The following PLCG1 variants were observed in gnomAD, a reference collection of about 807,000 sequenced individuals.
The protein encoded by PLCG1 is phospholipase C gamma 1, also known as 1-phosphatidylinositol 4,5-bisphosphate phosphodiesterase gamma-1.
PLCG1 carries 71 observed loss-of-function variants against 177.8 expected under a neutral mutation model. The ratio of observed to expected loss-of-function variants is 0.40; its 90% confidence interval spans 0.33 to 0.49. The LOEUF (loss-of-function observed/expected upper bound fraction) is 0.49, where lower values mean the gene tolerates loss of function less well. Ranked by LOEUF, PLCG1 falls within the 20% of genes least tolerant of loss-of-function variation. The probability of loss-of-function intolerance (pLI) is 0.72; values close to 1 mark genes in which losing one functional copy is unlikely to be tolerated. For missense variants in PLCG1, 1,281 were observed against 1,709.0 expected, an observed-to-expected ratio of 0.75 and a Z score of 4.42; for synonymous variants, 658 against 647.9, an observed-to-expected ratio of 1.02 and a Z score of -0.24.
chr20:41,137,654 G>T lies in PLCG1; in HGVS notation c.13G>T (p.Ala5Ser). Residue 5 changes from alanine (A) to serine (S), a missense_variant, in exon 1 of 32, where the codon GCG becomes TCG. Ala to Ser is a moderately conservative substitution (Grantham distance 99). Coordinates refer to ENST00000685551, the MANE Select transcript of PLCG1 (RefSeq NM_002660.3). This position sits in a 1 kb window ranked among gnomAD's most constrained non-coding sequence, Gnocchi z 7.3. ...CAGCGTCGGAGCCATGGCGGGCGCC[G>T]CGTCCCCTTGCGCCAACGGCTGCGG... is the stretch of plus-strand genomic sequence containing the variant. MAGA[A>S]SPCANGCGPG... 1 of 1,317,302 alleles carries T rather than the reference G, an allele frequency of 7.6e-7. No individual in the cohort carries two copies. The highest frequency in any genetic ancestry group is 9.7e-7 in the Non-Finnish European group (1 of 1,033,436). The allele number at this position is 1,317,302 out of a possible 1,614,324, so 81.6% of individuals were successfully genotyped here.
intron 24 of PLCG1, 169 bp downstream of exon 24, chr20:41,170,438 A>G: frequency 1.5e-6 from 1 of 648,706 alleles, no homozygotes; most frequent in Non-Finnish European, 2.6e-6. Context: ...CAGACACATA[A>G]GATGCAATGT....
At chr20:41,145,482 C>T (rs34905696) in intron 1 of PLCG1, among the ~76,000 whole-genome samples, 231 of 152,162 alleles carry the variant, frequency 1.5e-3, no homozygotes, top group African/African-American at 5.4e-3. Context: ...CCATAGCTGC[C>T]CCCGCCTTCC....
intron 20 of PLCG1, among the ~76,000 whole-genome samples, chr20:41,168,475 G>C (rs2035778463): frequency 6.6e-6 from 1 of 152,250 alleles, no homozygotes; most frequent in South Asian, 2.1e-4. Flanking sequence ...CCTGACTCCT[G>C]GGAGCGGATT....
Position 41,153,424 on chromosome 20 carries a change from G to A in PLCG1, c.218-6182G>A, listed in dbSNP as rs1230740642. On this transcript the variant is annotated intron_variant, in intron 1 of 31. Coordinates refer to ENST00000685551, the MANE Select transcript of PLCG1 (RefSeq NM_002660.3). This position sits in a 1 kb window ranked among gnomAD's most constrained non-coding sequence, Gnocchi z 5.1. The stretch of plus-strand genomic sequence containing the variant: ...CTTTCCCACCGCCTCCCAAGTAGCT[G>A]GGACTACAGGCATGTGCTACCATGT... Among the ~76,000 whole-genome samples, 2 of 152,114 alleles carry A rather than the reference G, an allele frequency of 1.3e-5. No homozygotes were observed. The highest frequency in any genetic ancestry group is 2.4e-5 in the African/African-American group (1 of 41,418).
In PLCG1 at chr20:41,166,064, GAGCTCCTCAGGAGATTGGCCTC is replaced by G; in HGVS notation, c.1800-129_1800-108del. On this transcript the variant is annotated intron_variant, in intron 16 of 31. Transcript: ENST00000685551. This position sits in a 1 kb window ranked among gnomAD's most constrained non-coding sequence, Gnocchi z 8.6. Reference sequence around the variant, plus strand: ...TTGGTTCATGTGACTGCCCACACCTGAGCTCCTCAGGAGATTGGCCTCCCTCCTTGAGGCTCCCTCCTTGAGT... The same window carrying G: ...TTGGTTCATGTGACTGCCCACACCTGCCTCCTTGAGGCTCCCTCCTTGAGT... 1.3e-6 allele frequency: 1 copy of G among 783,798 alleles called. No homozygotes were observed. Among genetic ancestry groups the G allele is most frequent in the Non-Finnish European group, 2.0e-6 (1 of 497,124 alleles). The allele number at this position is 783,798 out of a possible 1,614,324, so 48.6% of individuals were successfully genotyped here. A position where few individuals can be genotyped will look rare whatever the true frequency, so the allele number is the denominator to read the frequency against.
At position 41,137,978 on chromosome 20, in the gene PLCG1, G is replaced by A. The variant is rs1313210594; in HGVS notation, c.217+120G>A. 2 of 635,818 alleles carry A rather than the reference G, an allele frequency of 3.1e-6. No homozygotes were observed. Among genetic ancestry groups the A allele is most frequent in the Non-Finnish European group, 4.5e-6 (2 of 440,540 alleles). The allele number at this position is 635,818 out of a possible 1,614,324, so 39.4% of individuals were successfully genotyped here. On this transcript the variant is annotated intron_variant, in intron 1 of 31. Coordinates refer to ENST00000685551, the MANE Select transcript of PLCG1 (RefSeq NM_002660.3). The surrounding 1 kb of genome is among the most constrained non-coding windows in gnomAD (Gnocchi z 7.3). ...TTGGGCAAACTTTCGGGCCCTCCCA[G>A]ACTCCCTCCGGGCCCCGCCCCCGCT... is the stretch of plus-strand genomic sequence containing the variant.
Position 41,167,519 on chromosome 20 carries a change from A to G in PLCG1, c.2302-333A>G, listed in dbSNP as rs967412255. On this transcript the variant is annotated intron_variant, in intron 19 of 31. Transcript: ENST00000685551. The surrounding 1 kb of genome is among the most constrained non-coding windows in gnomAD (Gnocchi z 4.4). ...TGACTTTGGGCTCAGCAGTGAACCA[A>G]CAAGCCACTGAACTAAAGCACTGAA... The G allele has an allele frequency of 4.1e-5, 11 of 271,400 alleles. No individual in the cohort carries two copies. Among genetic ancestry groups the G allele is most frequent in the African/African-American group, 2.0e-4 (9 of 45,302 alleles). The allele number at this position is 271,400 out of a possible 1,614,324, so 16.8% of individuals were successfully genotyped here. A position where few individuals can be genotyped will look rare whatever the true frequency, so the allele number is the denominator to read the frequency against.
Position 41,176,980 on chromosome 20 carries a change from A to AAAT in PLCG1, c.*2473_*2475dup, listed in dbSNP as rs1432730253. 7 of 152,252 alleles carry AAAT rather than the reference A, an allele frequency of 4.6e-5. No individual in the cohort carries two copies. Among genetic ancestry groups the AAAT allele is most frequent in the African/African-American group, 1.7e-4 (7 of 41,464 alleles). 9.4% of individuals were successfully genotyped at this position (152,252 alleles called of 1,614,324 possible). The stretch of plus-strand genomic sequence containing the variant: ...TAGCACCACTTGGGGAGCTTCTGAA[A>AAAT]AATACTGGTACCCGGGGCCTTAGCA... On this transcript the variant is annotated 3_prime_UTR_variant, in exon 32 of 32. Transcript: ENST00000685551.
At position 41,164,136 on chromosome 20, in the gene PLCG1, T is replaced by A; in HGVS notation, c.1152T>A (p.Leu384=). The change falls in exon 12 of 32, where the codon CTT becomes CTA. Residue 384 remains leucine, a synonymous_variant. Coordinates refer to ENST00000685551, the MANE Select transcript of PLCG1 (RefSeq NM_002660.3). The surrounding 1 kb of genome is among the most constrained non-coding windows in gnomAD (Gnocchi z 6.4). ...GMPVIYHGHT[L]TTKIKFSDVL... ...CAGTTATTTACCATGGGCACACCCT[T>A]ACCACCAAGATCAAGTTCTCAGATG... The A allele has an allele frequency of 6.2e-7, 1 of 1,614,046 alleles. No individual in the cohort carries two copies. The highest frequency in any genetic ancestry group is 2.2e-5 in the East Asian group (1 of 44,848).
In PLCG1 at chr20:41,165,174, G is replaced by A; in HGVS notation, c.1387-71G>A. 6.2e-7 allele frequency: 1 copy of A among 1,605,136 alleles called. No homozygotes were observed. Among genetic ancestry groups the A allele is most frequent in the Non-Finnish European group, 8.5e-7 (1 of 1,174,528 alleles). On this transcript the variant is annotated intron_variant, in intron 13 of 31. Coordinates refer to ENST00000685551, the MANE Select transcript of PLCG1 (RefSeq NM_002660.3). This position sits in a 1 kb window ranked among gnomAD's most constrained non-coding sequence, Gnocchi z 6.6. ...GCCCAGGCCATGGCTTCAGCTGTTG[G>A]GCCTAAACCTGGGTGAGGAGGTGGG... is the stretch of plus-strand genomic sequence containing the variant.
intron 1 of PLCG1, among the ~76,000 whole-genome samples, chr20:41,140,451 C>G (rs760026418): frequency 1.1e-4 from 17 of 152,182 alleles, no homozygotes; most frequent in Non-Finnish European, 2.2e-4. Flanking sequence ...TCCTGCTGAC[C>G]CTACCAGGGT....
intron 4 of PLCG1, 152 bp from the exon 5 acceptor site, chr20:41,162,300 T>A (rs2035533593): frequency 6.5e-5 from 21 of 325,236 alleles, no homozygotes; most frequent in East Asian, 3.3e-4. Flanking sequence ...GGGACTAACC[T>A]CACCCCATGG....
At chr20:41,171,104 G>C (rs142953192) in intron 24 of PLCG1, among the ~76,000 whole-genome samples, 12 of 152,234 alleles carry the variant, frequency 7.9e-5, no homozygotes, top group South Asian at 4.1e-4. Context: ...ATTCCTACTT[G>C]GTGGCCCTTT....
In PLCG1 at chr20:41,163,631, T is replaced by A; in HGVS notation, c.892-84T>A. ...CCCACCCCCAGTTGGGACAGAGCACTCTCTCTCCTACCCCCAACCTACCAT... is the reference window on the plus strand; with the variant it reads ...CCCACCCCCAGTTGGGACAGAGCACACTCTCTCCTACCCCCAACCTACCAT... On this transcript the variant is annotated intron_variant, in intron 9 of 31. Coordinates refer to ENST00000685551, the MANE Select transcript of PLCG1 (RefSeq NM_002660.3). The surrounding 1 kb of genome is among the most constrained non-coding windows in gnomAD (Gnocchi z 5.2). 9.0e-7 allele frequency: 1 copy of A among 1,108,234 alleles called. No individual in the cohort carries two copies. The highest frequency in any genetic ancestry group is 1.3e-5 in the South Asian group (1 of 78,350). 68.7% of individuals were successfully genotyped at this position (1,108,234 alleles called of 1,614,324 possible).
Position 41,165,407 on chromosome 20 carries a change from T to C in PLCG1, c.1509+40T>C, listed in dbSNP as rs768420253. 6.2e-7 allele frequency: 1 copy of C among 1,613,692 alleles called. No individual in the cohort carries two copies. The highest frequency in any genetic ancestry group is 1.7e-5 in the Admixed American group (1 of 60,006). The stretch of plus-strand genomic sequence containing the variant: ...AGGCTGGGGGTGGTAGGCCAGTGGG[T>C]GTGAGGACCCTGGCTCACAAGTCCC... On this transcript the variant is annotated intron_variant, in intron 14 of 31. Coordinates refer to ENST00000685551, the MANE Select transcript of PLCG1 (RefSeq NM_002660.3). This position sits in a 1 kb window ranked among gnomAD's most constrained non-coding sequence, Gnocchi z 6.6.
Position 41,153,715 on chromosome 20 carries a change from G to A in PLCG1, c.218-5891G>A, listed in dbSNP as rs1253520501. On this transcript the variant is annotated intron_variant, in intron 1 of 31. Coordinates refer to ENST00000685551, the MANE Select transcript of PLCG1 (RefSeq NM_002660.3). This position sits in a 1 kb window ranked among gnomAD's most constrained non-coding sequence, Gnocchi z 5.1. ...AGTTTGAGAGCAGCTGGCCAACATG[G>A]TGAAACCCCGTCTCTACTAAAAATA... Among the ~76,000 whole-genome samples the A allele has an allele frequency of 1.3e-5, 2 of 152,268 alleles. No homozygotes were observed. The highest frequency in any genetic ancestry group is 2.9e-5 in the Non-Finnish European group (2 of 68,024).
Position 41,168,841 on chromosome 20 carries a change from C to G in PLCG1, c.2454C>G (p.Ile818Met). ...DELTFIKSAI[I>M]QNVEKQEGGW... ...TGACCTTCATCAAGAGCGCCATCATCCAGAATGTGGAGAAGCAAGAGGGAG... is the reference window on the plus strand; with the variant it reads ...TGACCTTCATCAAGAGCGCCATCATGCAGAATGTGGAGAAGCAAGAGGGAG... Residue 818 changes from isoleucine (I) to methionine (M), a missense_variant, in exon 21 of 32, where the codon ATC becomes ATG. By Grantham distance (10) the Ile-to-Met change is conservative. Transcript: ENST00000685551. The G allele has an allele frequency of 6.2e-7, 1 of 1,611,776 alleles. No individual in the cohort carries two copies. The highest frequency in any genetic ancestry group is 8.5e-7 in the Non-Finnish European group (1 of 1,178,812).
intron 4 of PLCG1, among the ~76,000 whole-genome samples, chr20:41,161,883 C>G (rs1412267457): frequency 6.6e-6 from 1 of 152,176 alleles, no homozygotes; most frequent in Non-Finnish European, 1.5e-5. Flanking sequence ...GGAGCCAGGC[C>G]CTGTCTAGCC....
chr20:41,141,860 C>T (rs1306098945), intron 1 of PLCG1, among the ~76,000 whole-genome samples: 1 of 152,228 alleles, frequency 6.6e-6, no homozygotes, highest in Non-Finnish European at 1.5e-5. Context: ...ACAACACCTC[C>T]AGCTTCTCTC....
Sources: gnomAD v4.1 joint callset for allele counts (sites outside exome capture counted in the v4.1 genomes callset) on GRCh38, gnomAD v4.1.1 for gene constraint, Gnocchi (gnomAD v3.1) non-coding constraint, MANE v1.5 for transcripts, NCBI Gene and HGNC (gene_info 2026-07-23, HGNC 2026-07-21) for gene names.